The following SCARA5 variants were observed in gnomAD, a reference collection of about 807,000 sequenced individuals.
The protein encoded by SCARA5 is scavenger receptor class A, member 5 (putative).
Under a neutral mutation model 46.3 loss-of-function variants are expected in SCARA5, and 45 were observed. That is an observed-to-expected ratio of 0.97 (90% CI 0.76 to 1.24). The LOEUF (loss-of-function observed/expected upper bound fraction) is 1.24, where lower values mean the gene tolerates loss of function less well. SCARA5 is among the 50% of genes most tolerant of loss of function. The pLI is 0.00. For synonymous variants in SCARA5, 333 were observed against 306.5 expected (o/e 1.09, Z -0.90); for missense variants, 680 against 689.0 (o/e 0.99, Z 0.15).
rs536727069 is a variant in SCARA5, at chr8:27,909,433, G to C, written c.997+230C>G. Among the ~76,000 whole-genome samples, 6 of 152,254 alleles carry C rather than the reference G, an allele frequency of 3.9e-5. No homozygotes were observed. In the East Asian group the frequency reaches 1.2e-3, roughly 29 times the overall value. On this transcript the variant is annotated intron_variant, in intron 5 of 8. Transcript: ENST00000354914. ...GGGAAGGGGCTTCAGGGAGCTGCAGGCCTGTCCTGTACCTTTTCCTTCAGA... is the reference window on the plus strand; with the variant it reads ...GGGAAGGGGCTTCAGGGAGCTGCAGCCCTGTCCTGTACCTTTTCCTTCAGA...
In SCARA5 at chr8:27,921,997, C is replaced by G; in HGVS notation, c.490G>C (p.Glu164Gln). Residue 164 changes from glutamate (E) to glutamine (Q), a missense_variant, in exon 4 of 9, where the codon GAG (glutamate) becomes CAG (glutamine). Physicochemically the swap from Glu to Gln is conservative, Grantham distance 29. This residue lies in a region of SCARA5 where 438 missense variants were observed against 384.5 expected (regional missense o/e 1.14). Transcript: ENST00000354914. ...TCCCGCAGCAGGGCCACCGCCTGCT[C>G]GGTCTGCACCGCCTGCGCCTGCAGC... ...WGLQAQAVQT[E>Q]QAVALLRDRT... 1 of 1,556,060 alleles carries G rather than the reference C, an allele frequency of 6.4e-7. No homozygotes were observed. The highest frequency in any genetic ancestry group is 1.2e-5 in the South Asian group (1 of 83,964).
chr8:27,881,175 C>T (rs1022281803), intron 7 of SCARA5, among the ~76,000 whole-genome samples: 8 of 152,194 alleles, frequency 5.3e-5, no homozygotes, highest in Admixed American at 1.3e-4. Flanking sequence ...TCATTTGACA[C>T]AGCAATCCCA....
At chr8:27,949,328 T>C (rs1808086720) in intron 3 of SCARA5, among the ~76,000 whole-genome samples, 2 of 152,248 alleles carry the variant, frequency 1.3e-5, no homozygotes, top group Non-Finnish European at 2.9e-5. Context: ...CAGTGCCCTT[T>C]AAATTTAATC....
chr8:27,926,778 G>C (rs1664850969), intron 3 of SCARA5, among the ~76,000 whole-genome samples: 1 of 152,084 alleles, frequency 6.6e-6, no homozygotes, highest in Non-Finnish European at 1.5e-5. Context: ...AATCTGAGAG[G>C]TTCTGAGAGG....
chr8:27,955,082 A>G (rs1808186248), intron 3 of SCARA5, among the ~76,000 whole-genome samples: 1 of 152,172 alleles, frequency 6.6e-6, no homozygotes, highest in Non-Finnish European at 1.5e-5. Flanking sequence ...GCATCCTACA[A>G]GTCACTTCTG....
intron 4 of SCARA5, among the ~76,000 whole-genome samples, chr8:27,911,498 C>G (rs915324730): frequency 1.3e-5 from 2 of 152,146 alleles, no homozygotes; most frequent in Non-Finnish European, 2.9e-5. Context: ...TCGAGGCCGG[C>G]CTGGCCAACA....
chr8:27,981,099 G>T (rs766597938), intron 2 of SCARA5, among the ~76,000 whole-genome samples: 1 of 152,106 alleles, frequency 6.6e-6, no homozygotes, highest in Non-Finnish European at 1.5e-5. Flanking sequence ...TGTGTGCAAG[G>T]CGCTTTACCC....
chr8:27,958,863 G>C (rs1372874904), intron 3 of SCARA5, among the ~76,000 whole-genome samples: 1 of 152,200 alleles, frequency 6.6e-6, no homozygotes, highest in Non-Finnish European at 1.5e-5. Flanking sequence ...GAGGAGATCT[G>C]ACCTGATCAT....
intron 3 of SCARA5, among the ~76,000 whole-genome samples, chr8:27,958,912 C>T (rs940421548): frequency 6.6e-6 from 1 of 152,044 alleles, no homozygotes; most frequent in South Asian, 2.1e-4. Context: ...GATGTAGGGT[C>T]GTGTATCACT....
At chr8:27,980,191 T>C (rs1281512958) in intron 2 of SCARA5, among the ~76,000 whole-genome samples, 1 of 152,098 alleles carries the variant, frequency 6.6e-6, no homozygotes, top group African/African-American at 2.4e-5. Context: ...CCTGAATATA[T>C]TTTGCTGGAA....
intron 4 of SCARA5, among the ~76,000 whole-genome samples, chr8:27,916,118 C>T (rs1807457044): frequency 6.6e-6 from 1 of 152,112 alleles, no homozygotes; most frequent in Non-Finnish European, 1.5e-5. Context: ...CAGATATTCA[C>T]AAGAGAAAAA....
In SCARA5 at chr8:27,922,111, A is replaced by G; in HGVS notation, c.376T>C (p.Trp126Arg). ...PLQADLTEQV[W>R]KVQDALQNQS... ...TTCTGCAGCGCGTCCTGCACCTTCC[A>G]CACCTGCTCCGTCAGGTCCGCTTGC... Residue 126 changes from tryptophan to arginine, a missense_variant, in exon 4 of 9, where the codon TGG becomes CGG. Coordinates refer to ENST00000354914, the MANE Select transcript of SCARA5 (RefSeq NM_173833.6). 1 of 1,605,468 alleles carries G rather than the reference A, an allele frequency of 6.2e-7. No homozygotes were observed. Among genetic ancestry groups the G allele is most frequent in the East Asian group, 2.2e-5 (1 of 44,544 alleles).
intron 7 of SCARA5, among the ~76,000 whole-genome samples, chr8:27,891,227 G>A (rs1450487529): frequency 6.7e-6 from 1 of 149,966 alleles, no homozygotes; most frequent in Admixed American, 6.6e-5. Flanking sequence ...TTTTTAAATG[G>A]AGGAGTCTCG....
intron 7 of SCARA5, among the ~76,000 whole-genome samples, chr8:27,883,103 C>T (rs191586715): frequency 2.6e-5 from 4 of 152,374 alleles, no homozygotes; most frequent in African/African-American, 9.6e-5. Flanking sequence ...GCCCCTGTCA[C>T]ATTGATCTCT....
At chr8:27,969,713 T>G (rs1808419723) in intron 2 of SCARA5, among the ~76,000 whole-genome samples, 1 of 152,088 alleles carries the variant, frequency 6.6e-6, no homozygotes. Flanking sequence ...ACCATTCTGG[T>G]GGGGATATTG....
chr8:27,913,894 T>C (rs998416618), intron 4 of SCARA5, among the ~76,000 whole-genome samples: 5 of 152,216 alleles, frequency 3.3e-5, no homozygotes, highest in African/African-American at 1.2e-4. Context: ...GCTCTCCTCA[T>C]AGTGTCCCTG....
intron 7 of SCARA5, among the ~76,000 whole-genome samples, chr8:27,901,328 C>T (rs891973361): frequency 6.6e-6 from 1 of 152,128 alleles, no homozygotes; most frequent in African/African-American, 2.4e-5. Context: ...TGAAAGGCCT[C>T]GGGGTTAGCA....
Position 27,922,253 on chromosome 8 carries a change from G to A in SCARA5, c.242-8C>T. 1 of 1,512,488 alleles carries A rather than the reference G, an allele frequency of 6.6e-7. No homozygotes were observed. The highest frequency in any genetic ancestry group is 8.9e-7 in the Non-Finnish European group (1 of 1,129,446). The allele number at this position is 1,512,488 out of a possible 1,614,324, so 93.7% of individuals were successfully genotyped here. A position where few individuals can be genotyped will look rare whatever the true frequency, so the allele number is the denominator to read the frequency against. On this transcript the variant is annotated splice_polypyrimidine_tract_variant and splice_region_variant and intron_variant, in intron 3 of 8. Transcript: ENST00000354914. ...AGCTGCGCGGCCTGGACACTGCGGA[G>A]GAGGAAGAGGGGAGACTTGAGCACC...
At chr8:27,919,754 C>T (rs989510068) in intron 4 of SCARA5, among the ~76,000 whole-genome samples, 3 of 151,710 alleles carry the variant, frequency 2.0e-5, no homozygotes, top group African/African-American at 7.3e-5. Context: ...CCTGGCCCTG[C>T]GGCTGTGGGC....
Sources: gnomAD v4.1 joint callset for allele counts (sites outside exome capture counted in the v4.1 genomes callset) on GRCh38, gnomAD v4.1.1 for gene constraint, gnomAD v4.1.1 regional missense constraint, MANE v1.5 for transcripts, NCBI Gene and HGNC (gene_info 2026-07-23, HGNC 2026-07-21) for gene names.